The following AAK1 variants were observed in gnomAD, a reference collection of about 807,000 sequenced individuals.
The protein encoded by AAK1 is AP2 associated kinase 1, also known as AP2-associated protein kinase 1.
Under a neutral mutation model 116.0 loss-of-function variants are expected in AAK1, and 37 were observed. That is an observed-to-expected ratio of 0.32 (90% confidence interval 0.25 to 0.42). AAK1 has a LOEUF of 0.42. Ranked by LOEUF, AAK1 falls within the 10% of genes least tolerant of loss-of-function variation. The pLI, the probability that AAK1 is intolerant of heterozygous loss-of-function variation, is 1.00. For synonymous variants in AAK1, 458 were observed against 439.9 expected, an observed-to-expected ratio of 1.04 and a Z score of -0.51; for missense variants, 919 against 1,170.6, an observed-to-expected ratio of 0.79 and a Z score of 3.14.
At chr2:69,638,099 T>C (rs1675529074) in intron 2 of AAK1, among the ~76,000 whole-genome samples, 2 of 152,136 alleles carry the variant, frequency 1.3e-5, no homozygotes, top group Admixed American at 6.5e-5. Flanking sequence ...AAATCTGCAG[T>C]TGCCTCTAAA....
rs555727974 is a variant in AAK1 at position 69,636,995 on chromosome 2, C to T, written c.163+5883G>A. ...GATTACAGGCATGAGCCACTGCACC[C>T]GGCCTATTTTAGATAATTTAAATAG... On this transcript the variant is annotated intron_variant, in intron 2 of 21. Coordinates refer to ENST00000409085, the MANE Select transcript of AAK1 (RefSeq NM_014911.5). Among the ~76,000 whole-genome samples the T allele has an allele frequency of 3.3e-5, 5 of 152,292 alleles. No individual in the cohort carries two copies. The South Asian group carries it at 6.2e-4, about 19-fold the overall frequency.
chr2:69,563,003 A>G (rs67388091), intron 2 of AAK1, among the ~76,000 whole-genome samples: 22,811 of 151,914 alleles, frequency 0.15, 2,120 homozygotes, highest in African/African-American at 0.26. Context: ...GGTTGAGGCT[A>G]CAGTGAACTA....
chr2:69,512,614 T>G lies in AAK1; in HGVS notation c.1776+1857A>C, dbSNP rs1027833887. Among the ~76,000 whole-genome samples, 4 of 152,284 alleles carry G rather than the reference T, an allele frequency of 2.6e-5. No individual in the cohort carries two copies. In the East Asian group the frequency reaches 7.7e-4, roughly 29 times the overall value. ...CCTTCATTCACTTGCTTCTTTAGAT[T>G]AGCCCTGCCAAGAGTCAGCGGAGAC... On this transcript the variant is annotated intron_variant, in intron 13 of 21. Coordinates refer to ENST00000409085, the MANE Select transcript of AAK1 (RefSeq NM_014911.5).
In AAK1 at chr2:69,470,010, G is replaced by A; in HGVS notation, c.*5859C>T. On this transcript the variant is annotated 3_prime_UTR_variant, in exon 22 of 22. Coordinates refer to ENST00000409085, the MANE Select transcript of AAK1 (RefSeq NM_014911.5). ...CACTTCCAAAGCAACCCAAAGTGCT[G>A]AATCATTTAGGATGGGTTTCCCCTG... 1.0e-6 allele frequency: 1 copy of A among 985,390 alleles called. No individual in the cohort carries two copies. The highest frequency in any genetic ancestry group is 1.2e-6 in the Non-Finnish European group (1 of 829,932). 61.0% of individuals were successfully genotyped at this position (985,390 alleles called of 1,614,324 possible).
chr2:69,519,035 T>C lies in AAK1; in HGVS notation c.1416A>G (p.Gln472=). 6.4e-7 allele frequency: 1 copy of C among 1,550,574 alleles called. No individual in the cohort carries two copies. The highest frequency in any genetic ancestry group is 2.0e-5 in the Admixed American group (1 of 51,008). ...QHQQQLFLKQ[Q]QQQQQPPPAQ... ...CTGGCGGTGGCTGTTGCTGCTGCTG[T>C]TGCTGCTTGAGGAAGAGTTGCTGCT... The change falls in exon 12 of 22, where the codon CAA becomes CAG. Residue 472 remains glutamine (Q), a synonymous_variant. Transcript: ENST00000409085.
At position 69,469,332 on chromosome 2, in the gene AAK1, T is replaced by C. The variant is rs946380615; in HGVS notation, c.*6537A>G. ...AGAAACAAGGTAGTCGAGAGAAGGA[T>C]AAATTCCAAATATACTAGAAACAGA... On this transcript the variant is annotated 3_prime_UTR_variant, in exon 22 of 22. Coordinates refer to ENST00000409085, the MANE Select transcript of AAK1 (RefSeq NM_014911.5). 4 of 985,314 alleles carry C rather than the reference T, an allele frequency of 4.1e-6. No individual in the cohort carries two copies. The highest frequency in any genetic ancestry group is 3.6e-6 in the Non-Finnish European group (3 of 829,942). The allele number at this position is 985,314 out of a possible 1,614,324, so 61.0% of individuals were successfully genotyped here. A position where few individuals can be genotyped will look rare whatever the true frequency, so the allele number is the denominator to read the frequency against.
chr2:69,473,210 C>T lies in AAK1; in HGVS notation c.*2659G>A, dbSNP rs1674738211. 1 of 851,058 alleles carries T rather than the reference C, an allele frequency of 1.2e-6. No individual in the cohort carries two copies. The highest frequency in any genetic ancestry group is 5.4e-5 in the South Asian group (1 of 18,486). The allele number at this position is 851,058 out of a possible 1,614,324, so 52.7% of individuals were successfully genotyped here. A position where few individuals can be genotyped will look rare whatever the true frequency, so the allele number is the denominator to read the frequency against. ...ATGAGATCCCAGGTGGCCTGTCCTGCCCAGGCCTCTTCTCCCCCGACCCTG... is the reference window on the plus strand; with the variant it reads ...ATGAGATCCCAGGTGGCCTGTCCTGTCCAGGCCTCTTCTCCCCCGACCCTG... On this transcript the variant is annotated 3_prime_UTR_variant, in exon 22 of 22. Coordinates refer to ENST00000409085, the MANE Select transcript of AAK1 (RefSeq NM_014911.5).
In AAK1 at chr2:69,462,409, G is replaced by T. The variant is rs981761371; in HGVS notation, c.*13460C>A. 1 of 151,822 alleles carries T rather than the reference G, an allele frequency of 6.6e-6. No individual in the cohort carries two copies. Among genetic ancestry groups the T allele is most frequent in the Admixed American group, 6.6e-5 (1 of 15,258 alleles). 9.4% of individuals were successfully genotyped at this position (151,822 alleles called of 1,614,324 possible). A position where few individuals can be genotyped will look rare whatever the true frequency, so the allele number is the denominator to read the frequency against. ...AAAAAAGAATTTCTGGGCCAGGTGCGGTGGCTCACGCCTGTAATCCTAGCA... is the reference window on the plus strand; with the variant it reads ...AAAAAAGAATTTCTGGGCCAGGTGCTGTGGCTCACGCCTGTAATCCTAGCA... On this transcript the variant is annotated 3_prime_UTR_variant, in exon 22 of 22. Transcript: ENST00000409085.
At chr2:69,570,002 G>A (rs1249088215) in intron 2 of AAK1, among the ~76,000 whole-genome samples, 1 of 151,954 alleles carries the variant, frequency 6.6e-6, no homozygotes, top group Non-Finnish European at 1.5e-5. Context: ...AGAAGTGCTG[G>A]GTCACTGGAT....
At chr2:69,504,433 A>C (rs1003849509) in intron 16 of AAK1, among the ~76,000 whole-genome samples, 1 of 134,050 alleles carries the variant, frequency 7.5e-6, no homozygotes, top group African/African-American at 2.7e-5. Flanking sequence ...TGCATATCAG[A>C]GTCTCAGAGT....
intron 2 of AAK1, among the ~76,000 whole-genome samples, chr2:69,585,788 A>T (rs1032020251): frequency 6.6e-6 from 1 of 152,218 alleles, no homozygotes; most frequent in African/African-American, 2.4e-5. Context: ...CCAGGGTTTG[A>T]TTTCTAGCAA....
At chr2:69,533,948 T>G (rs1670358502) in intron 5 of AAK1, among the ~76,000 whole-genome samples, 3 of 152,192 alleles carry the variant, frequency 2.0e-5, no homozygotes, top group Admixed American at 2.0e-4. Context: ...GCTCACCAGT[T>G]TAATCTATTT....
intron 5 of AAK1, among the ~76,000 whole-genome samples, chr2:69,541,047 G>A (rs1415182153): frequency 6.6e-6 from 1 of 152,126 alleles, no homozygotes; most frequent in African/African-American, 2.4e-5. Context: ...TTCAGAACAT[G>A]AAAATACAGA....
rs552755602 is a variant in AAK1 at position 69,479,956 on chromosome 2, T to C, written c.2570-895A>G. Among the ~76,000 whole-genome samples, 5 of 152,172 alleles carry C rather than the reference T, an allele frequency of 3.3e-5. No homozygotes were observed. In the South Asian group the frequency reaches 8.3e-4, roughly 25 times the overall value. On this transcript the variant is annotated intron_variant, in intron 19 of 21. Transcript: ENST00000409085. ...TTTTAGTGGAGACGGCGTTTCTCCA[T>C]GTTGGTCAGGCTGGTCTCAAACTCC...
intron 10 of AAK1, among the ~76,000 whole-genome samples, chr2:69,523,942 T>A (rs1041095238): frequency 1.3e-5 from 2 of 152,270 alleles, no homozygotes; most frequent in Non-Finnish European, 1.5e-5. Flanking sequence ...CAGACTTGCA[T>A]TGCCTTCCGA....
intron 18 of AAK1, 53 bp from the exon 19 acceptor site, chr2:69,481,014 AG>A: frequency 7.2e-7 from 1 of 1,389,464 alleles, no homozygotes; most frequent in Non-Finnish European, 9.8e-7. Context: ...GGGAGTCAGA[AG>A]TTTCTTTAGG....
intron 2 of AAK1, among the ~76,000 whole-genome samples, chr2:69,588,649 C>T (rs1672892782): frequency 6.6e-6 from 1 of 152,096 alleles, no homozygotes; most frequent in Non-Finnish European, 1.5e-5. Flanking sequence ...TTTGTTACTC[C>T]TCAGTTCTTA....
intron 2 of AAK1, among the ~76,000 whole-genome samples, chr2:69,587,441 G>GTA (rs1672835668): frequency 6.7e-6 from 1 of 149,088 alleles, no homozygotes; most frequent in African/African-American, 2.5e-5. Context: ...ATACATATGT[G>GTA]TATATGTATA....
intron 2 of AAK1, among the ~76,000 whole-genome samples, chr2:69,586,370 T>C (rs1672764224): frequency 6.6e-6 from 1 of 152,084 alleles, no homozygotes; most frequent in Non-Finnish European, 1.5e-5. Flanking sequence ...AAGGTAACCA[T>C]GGGCTTTGGA....
Sources: gnomAD v4.1 joint callset for allele counts (sites outside exome capture counted in the v4.1 genomes callset) on GRCh38, gnomAD v4.1.1 for gene constraint, MANE v1.5 for transcripts, NCBI Gene and HGNC (gene_info 2026-07-23, HGNC 2026-07-21) for gene names.